Variants in SS18L1 observed in about 807,000 individuals in gnomAD.
SS18L1 encodes SS18L1 subunit of BAF chromatin remodeling complex.
Under a neutral mutation model 70.3 loss-of-function variants are expected in SS18L1, and 32 were observed. The ratio of observed to expected loss-of-function variants is 0.46; its 90% CI spans 0.34 to 0.61. The LOEUF (loss-of-function observed/expected upper bound fraction) is 0.61, where lower values mean the gene tolerates loss of function less well. SS18L1 is among the 20% of genes least tolerant of loss of function. The pLI is 0.01. For synonymous variants in SS18L1, 237 were observed against 229.7 expected (o/e 1.03, Z -0.29); for missense variants, 430 against 542.1 (o/e 0.79, Z 2.05).
At chr20:62,168,284 C>T (rs1185991087) in intron 8 of SS18L1, among the ~76,000 whole-genome samples, 3 of 152,146 alleles carry the variant, frequency 2.0e-5, no homozygotes, top group Non-Finnish European at 4.4e-5. Context: ...TTGTTAGACT[C>T]TGACATGAGG....
intron 1 of SS18L1, chr20:62,154,600 A>G (rs2057189717): frequency 1.1e-6 from 1 of 941,568 alleles, no homozygotes; most frequent in Non-Finnish European, 1.3e-6. Flanking sequence ...AGTCTCCGTG[A>G]GGTCGTTGCA....
intron 5 of SS18L1, 96 bp downstream of exon 5, chr20:62,163,027 C>G: frequency 6.7e-7 from 1 of 1,493,854 alleles, no homozygotes; most frequent in South Asian, 1.2e-5. Context: ...GGAAGCTGCC[C>G]TCCTGCTGGG....
rs1248048365 is a variant in SS18L1, at chr20:62,164,207, G to A, written c.784G>A (p.Gly262Ser). Reference sequence around the variant, plus strand: ...TGGCGAGCAGTACAGCCACAGCCAGGGCGCCGCGGAGCCCATGGGCCAGCA... The same window carrying A: ...TGGCGAGCAGTACAGCCACAGCCAGAGCGCCGCGGAGCCCATGGGCCAGCA... ...YYGEQYSHSQGAAEPMGQQYY... is the reference protein window; with the variant it reads ...YYGEQYSHSQSAAEPMGQQYY... Residue 262 changes from glycine (G) to serine (S), a missense_variant, in exon 7 of 11, where the codon GGC becomes AGC. Transcript: ENST00000331758. The A allele has an allele frequency of 2.6e-6, 4 of 1,549,816 alleles. No homozygotes were observed. The highest frequency in any genetic ancestry group is 3.5e-6 in the Non-Finnish European group (4 of 1,146,726).
rs754067287 is a variant in SS18L1 at position 62,158,734 on chromosome 20, G to A, written c.132G>A (p.Thr44=). 9.9e-6 allele frequency: 16 copies of A among 1,612,844 alleles called. No homozygotes were observed. The highest frequency in any genetic ancestry group is 4.5e-5 in the East Asian group (2 of 44,898). ...CILEYQSKGK[T]AECTQYQQIL... ...TGGAGTACCAGAGCAAGGGCAAGAC[G>A]GCCGAGTGCACGCAGTGAGTGCCCG... The change falls in exon 2 of 11, where the codon ACG becomes ACA. Residue 44 remains threonine (T), a synonymous_variant. Coordinates refer to ENST00000331758, the MANE Select transcript of SS18L1 (RefSeq NM_198935.3). This position sits in a 1 kb window ranked among gnomAD's most constrained non-coding sequence, Gnocchi z 4.5.
At chr20:62,178,494 C>A (rs887887805) in intron 10 of SS18L1, among the ~76,000 whole-genome samples, 2 of 152,064 alleles carry the variant, frequency 1.3e-5, no homozygotes, top group African/African-American at 4.8e-5. Context: ...TGGGGTCTTG[C>A]TGTACTGCCC....
intron 8 of SS18L1, among the ~76,000 whole-genome samples, chr20:62,170,609 C>G (rs780454378): frequency 6.6e-6 from 1 of 152,390 alleles, no homozygotes; most frequent in Middle Eastern, 3.4e-3. Context: ...TGGGCTCCCC[C>G]GAGCCCTGCA....
intron 1 of SS18L1, 97 bp downstream of exon 1, chr20:62,143,986 A>C (rs2056972603): frequency 1.3e-6 from 1 of 796,096 alleles, no homozygotes; most frequent in East Asian, 1.3e-4. Context: ...GGGCGCGAAC[A>C]AAGCCGGGGC....
In SS18L1 at chr20:62,169,198, G is replaced by T. The variant is rs573032028; in HGVS notation, c.917-3484G>T. On this transcript the variant is annotated intron_variant, in intron 8 of 10. Transcript: ENST00000331758. ...ATTGCTGCTAGGAGAGACCGCCCAT[G>T]AGCTGCCAAAGCCAAGTATGGAGCT... is the stretch of plus-strand genomic sequence containing the variant. Among the ~76,000 whole-genome samples the T allele has an allele frequency of 9.8e-5, 15 of 152,370 alleles. No homozygotes were observed. The South Asian group carries it at 3.1e-3, about 32-fold the overall frequency.
At position 62,163,489 on chromosome 20, in the gene SS18L1, G is replaced by T. The variant is rs149920292; in HGVS notation, c.588G>T (p.Ser196=). The T allele has an allele frequency of 2.5e-6, 4 of 1,612,092 alleles. No individual in the cohort carries two copies. In the Admixed American group the frequency reaches 5.0e-5, roughly 20 times the overall value. The change falls in exon 6 of 11, where the codon TCG becomes TCT. Residue 196 remains serine (S), a synonymous_variant. Coordinates refer to ENST00000331758, the MANE Select transcript of SS18L1 (RefSeq NM_198935.3). Reference sequence around the variant, plus strand: ...TGATGCAGCAGCAGGCGGCCACGTCGCACTACAGCTCGGCGCAGGGCGGCA... The same window carrying T: ...TGATGCAGCAGCAGGCGGCCACGTCTCACTACAGCTCGGCGCAGGGCGGCA... ...VSMMQQQAAT[S]HYSSAQGGSQ... is the part of the protein sequence containing the mutation.
intron 1 of SS18L1, among the ~76,000 whole-genome samples, chr20:62,153,130 G>T (rs1210304763): frequency 6.6e-6 from 1 of 152,212 alleles, no homozygotes; most frequent in South Asian, 2.1e-4. Context: ...CAAGGCGGCA[G>T]GAAGGAGAAG....
chr20:62,175,462 C>G, intron 10 of SS18L1: 1 of 984,804 alleles, frequency 1.0e-6, no homozygotes, highest in Non-Finnish European at 1.2e-6. Flanking sequence ...AGAGGGCGTG[C>G]CAAGGTCCTG....
intron 3 of SS18L1, among the ~76,000 whole-genome samples, chr20:62,160,192 G>A (rs1210976852): frequency 1.2e-4 from 17 of 142,216 alleles, no homozygotes; most frequent in Admixed American, 1.1e-3. Flanking sequence ...GCTCAGCCTC[G>A]TTATGTATTG....
Position 62,174,371 on chromosome 20 carries a change from G to A in SS18L1, c.1037-146G>A. ...GTGGAGCCACGTGCAGGTGCCAGGTGTTCTGGAGATTGACAAAAGGCTGAT... is the reference window on the plus strand; with the variant it reads ...GTGGAGCCACGTGCAGGTGCCAGGTATTCTGGAGATTGACAAAAGGCTGAT... On this transcript the variant is annotated intron_variant, in intron 9 of 10. Coordinates refer to ENST00000331758, the MANE Select transcript of SS18L1 (RefSeq NM_198935.3). The surrounding 1 kb of genome is among the most constrained non-coding windows in gnomAD (Gnocchi z 4.1). The A allele has an allele frequency of 7.3e-7, 1 of 1,373,178 alleles. No homozygotes were observed. The highest frequency in any genetic ancestry group is 9.7e-7 in the Non-Finnish European group (1 of 1,030,418). The allele number at this position is 1,373,178 out of a possible 1,614,324, so 85.1% of individuals were successfully genotyped here.
At chr20:62,178,520 T>C (rs1450921951) in intron 10 of SS18L1, among the ~76,000 whole-genome samples, 1 of 152,060 alleles carries the variant, frequency 6.6e-6, no homozygotes, top group Non-Finnish European at 1.5e-5. Context: ...GGTCTCAAAC[T>C]CCTGGGCTCA....
rs144523483 is a variant in SS18L1 at position 62,174,101 on chromosome 20, C to G, written c.1037-416C>G. On this transcript the variant is annotated intron_variant, in intron 9 of 10. Coordinates refer to ENST00000331758, the MANE Select transcript of SS18L1 (RefSeq NM_198935.3). The surrounding 1 kb of genome is among the most constrained non-coding windows in gnomAD (Gnocchi z 4.1). Reference sequence around the variant, plus strand: ...TCCTAGAGACGATGTCTCTGTCTCACCTGCCTGCAGGTTTTCAGCAGCTCC... The same window carrying G: ...TCCTAGAGACGATGTCTCTGTCTCAGCTGCCTGCAGGTTTTCAGCAGCTCC... Among the ~76,000 whole-genome samples the G allele has an allele frequency of 5.0e-4, 76 of 152,324 alleles. No individual in the cohort carries two copies. The highest frequency in any genetic ancestry group is 1.8e-3 in the African/African-American group (73 of 41,582).
At chr20:62,153,045 C>G (rs1056352530) in intron 1 of SS18L1, among the ~76,000 whole-genome samples, 8 of 152,196 alleles carry the variant, frequency 5.3e-5, no homozygotes, top group African/African-American at 1.7e-4. Flanking sequence ...TTAATTAACT[C>G]ACAGTTCCAC....
chr20:62,169,498 G>T (rs2057492229), intron 8 of SS18L1, among the ~76,000 whole-genome samples: 1 of 152,200 alleles, frequency 6.6e-6, no homozygotes, highest in South Asian at 2.1e-4. Context: ...CATCATTGGG[G>T]CCGGGCAGAG....
Position 62,180,077 on chromosome 20 carries a change from A to T in SS18L1, c.*869A>T, listed in dbSNP as rs73307490. 17,449 of 212,550 alleles carry T rather than the reference A, an allele frequency of 0.082. 1,795 individuals carry two copies. The highest frequency in any genetic ancestry group is 0.27 in the African/African-American group (11,905 of 44,168). The allele number at this position is 212,550 out of a possible 1,614,324, so 13.2% of individuals were successfully genotyped here. A position where few individuals can be genotyped will look rare whatever the true frequency, so the allele number is the denominator to read the frequency against. Reference sequence around the variant, plus strand: ...ATTTCTGGGATTGGAATATTTAATAAGCCCAATTCTAAGTTGATAGGTAAT... The same window carrying T: ...ATTTCTGGGATTGGAATATTTAATATGCCCAATTCTAAGTTGATAGGTAAT... On this transcript the variant is annotated 3_prime_UTR_variant, in exon 11 of 11. Transcript: ENST00000331758.
At chr20:62,178,812 G>A (rs544854755) in intron 10 of SS18L1, among the ~76,000 whole-genome samples, 1 of 152,102 alleles carries the variant, frequency 6.6e-6, no homozygotes, top group Admixed American at 6.5e-5. Context: ...GGTCGTCCCC[G>A]CTCCCATTTT....
Sources: gnomAD v4.1 joint callset for allele counts (sites outside exome capture counted in the v4.1 genomes callset) on GRCh38, gnomAD v4.1.1 for gene constraint, Gnocchi (gnomAD v3.1) non-coding constraint, MANE v1.5 for transcripts, NCBI Gene and HGNC (gene_info 2026-07-23, HGNC 2026-07-21) for gene names.